Variants in WWOX observed in about 807,000 individuals in gnomAD.
The protein encoded by WWOX is WW domain-containing oxidoreductase.
WWOX carries 69 observed loss-of-function variants against 46.2 expected under a neutral mutation model. The observed-to-expected ratio is 1.49, with a 90% confidence interval of 1.23 to 1.82. The LOEUF (loss-of-function observed/expected upper bound fraction) is 1.82, where lower values mean the gene tolerates loss of function less well. Among genes scored for constraint, WWOX ranks in the 40% most tolerant of loss-of-function variants. The pLI is 0.00. For synonymous variants in WWOX, 359 were observed against 202.6 expected (o/e 1.77, Z -6.56); for missense variants, 919 against 542.6 (o/e 1.69, Z -6.89).
At chr16:78,233,404 G>A (rs1034181243) in intron 5 of WWOX, among the ~76,000 whole-genome samples, 2 of 152,004 alleles carry the variant, frequency 1.3e-5, no homozygotes, top group East Asian at 3.9e-4. Context: ...GGTAAAACAG[G>A]ACATTTTTAA....
intron 4 of WWOX, among the ~76,000 whole-genome samples, chr16:78,157,080 C>G (rs1488948008): frequency 6.7e-6 from 1 of 149,374 alleles, no homozygotes; most frequent in Non-Finnish European, 1.5e-5. Context: ...TTTTTTTTTT[C>G]TTTTAATACC....
intron 8 of WWOX, among the ~76,000 whole-genome samples, chr16:78,559,562 G>GA (rs1349241380): frequency 3.9e-5 from 6 of 152,130 alleles, no homozygotes; most frequent in African/African-American, 1.4e-4. Flanking sequence ...AAACGTGCTG[G>GA]AAAAAAGAGG....
chr16:78,355,616 G>A (rs1597087722), intron 5 of WWOX: 1 of 571,894 alleles, frequency 1.7e-6, no homozygotes, highest in Middle Eastern at 3.2e-4. Context: ...GCGAATTTGT[G>A]TGAAAATGAG....
chr16:79,162,534 G>C (rs1431228094), intron 8 of WWOX, among the ~76,000 whole-genome samples: 1 of 152,154 alleles, frequency 6.6e-6, no homozygotes, highest in African/African-American at 2.4e-5. Context: ...GAAGGCCTCA[G>C]TTACCTCTAG....
intron 8 of WWOX, among the ~76,000 whole-genome samples, chr16:78,812,672 G>A: frequency 6.6e-6 from 1 of 151,984 alleles, no homozygotes. Context: ...GTTGCAGTGA[G>A]CCAAGATAGT....
At chr16:79,109,127 G>A (rs1000524223) in intron 8 of WWOX, among the ~76,000 whole-genome samples, 25 of 152,014 alleles carry the variant, frequency 1.6e-4, no homozygotes, top group African/African-American at 4.3e-4. Flanking sequence ...GACAATAAAT[G>A]AGAACAATAT....
intron 8 of WWOX, among the ~76,000 whole-genome samples, chr16:78,755,263 G>A (rs1597554874): frequency 2.0e-5 from 3 of 151,612 alleles, no homozygotes; most frequent in East Asian, 1.9e-4. Context: ...AGAAAACACC[G>A]GAAAAAAGAG....
At chr16:78,363,954 C>G (rs1163872403) in intron 5 of WWOX, among the ~76,000 whole-genome samples, 3 of 152,196 alleles carry the variant, frequency 2.0e-5, no homozygotes, top group Non-Finnish European at 2.9e-5. Context: ...GCCTGTCACT[C>G]TTGCTGACAT....
intron 8 of WWOX, among the ~76,000 whole-genome samples, chr16:78,665,599 T>C (rs1325680883): frequency 6.6e-6 from 1 of 152,072 alleles, no homozygotes; most frequent in African/African-American, 2.4e-5. Flanking sequence ...TATTCCAGAT[T>C]CCGATTGCCC....
intron 8 of WWOX, among the ~76,000 whole-genome samples, chr16:79,086,854 G>C (rs2048862711): frequency 6.6e-6 from 1 of 152,200 alleles, no homozygotes; most frequent in African/African-American, 2.4e-5. Flanking sequence ...CTGCGCTCCA[G>C]CCTGGGTGAC....
intron 8 of WWOX, among the ~76,000 whole-genome samples, chr16:78,625,979 G>T (rs951847452): frequency 1.3e-5 from 2 of 150,898 alleles, no homozygotes; most frequent in Non-Finnish European, 3.0e-5. Flanking sequence ...AAAAGTAATG[G>T]CACCAACCTA....
intron 8 of WWOX, among the ~76,000 whole-genome samples, chr16:78,705,793 C>G (rs2048316317): frequency 6.6e-6 from 1 of 152,092 alleles, no homozygotes; most frequent in Non-Finnish European, 1.5e-5. Flanking sequence ...ACATTGAAAA[C>G]AAAATGAAAA....
chr16:78,841,076 T>C (rs1478546034), intron 8 of WWOX, among the ~76,000 whole-genome samples: 2 of 152,160 alleles, frequency 1.3e-5, no homozygotes, highest in Non-Finnish European at 2.9e-5. Context: ...AACATACACC[T>C]GTGCCCCCAG....
intron 5 of WWOX, among the ~76,000 whole-genome samples, chr16:78,242,412 C>T (rs937907153): frequency 6.6e-6 from 1 of 152,168 alleles, no homozygotes; most frequent in Non-Finnish European, 1.5e-5. Context: ...CGTGTGTGGG[C>T]TAAATAAATA....
chr16:79,047,743 T>G (rs1287963056), intron 8 of WWOX, among the ~76,000 whole-genome samples: 1 of 138,414 alleles, frequency 7.2e-6, no homozygotes, highest in Non-Finnish European at 1.5e-5. Context: ...GAAGGTAACG[T>G]CACAGGGCAG....
Position 78,661,245 on chromosome 16 carries a change from C to G in WWOX, c.1056+228493C>G, listed in dbSNP as rs930590483. ...GCCTGTGGCCCCCCAGAAATTATCT[C>G]CAGCAGCAGCAACAGAGAGGACTGG... On this transcript the variant is annotated intron_variant, in intron 8 of 8. Coordinates refer to ENST00000566780, the MANE Select transcript of WWOX (RefSeq NM_016373.4). Among the ~76,000 whole-genome samples, 16 of 152,276 alleles carry G rather than the reference C, an allele frequency of 1.1e-4. No individual in the cohort carries two copies. The East Asian group carries it at 2.9e-3, about 28-fold the overall frequency.
At chr16:78,628,434 C>A (rs1049355277) in intron 8 of WWOX, among the ~76,000 whole-genome samples, 2 of 152,192 alleles carry the variant, frequency 1.3e-5, no homozygotes, top group Non-Finnish European at 2.9e-5. Context: ...TGCCGAGAAT[C>A]AGTATTTCTA....
chr16:78,289,055 CGA>C (rs1404105179), intron 5 of WWOX, among the ~76,000 whole-genome samples: 1 of 152,110 alleles, frequency 6.6e-6, no homozygotes, highest in African/African-American at 2.4e-5. Context: ...GCTGGTAGAG[CGA>C]GAGTCAGGGT....
chr16:78,585,359 G>T (rs993569205), intron 8 of WWOX, among the ~76,000 whole-genome samples: 4 of 152,178 alleles, frequency 2.6e-5, no homozygotes, highest in Non-Finnish European at 5.9e-5. Context: ...CAGGAGGCTG[G>T]AAATTCGTTA....
Sources: allele counts gnomAD v4.1 joint callset (sites outside exome capture counted in the v4.1 genomes callset), GRCh38; gene constraint gnomAD v4.1.1; transcripts MANE v1.5; gene names NCBI Gene and HGNC (gene_info 2026-07-23, HGNC 2026-07-21).